The following MTOR variants were observed in gnomAD, a reference collection of about 807,000 sequenced individuals.
MTOR encodes serine/threonine-protein kinase mTOR.
MTOR carries 70 observed loss-of-function variants against 319.8 expected under a neutral mutation model. That is an observed-to-expected ratio of 0.22 (90% CI 0.18 to 0.27). The LOEUF is 0.27. Ranked by LOEUF, MTOR falls within the 10% of genes least tolerant of loss-of-function variation. MTOR has a pLI of 1.00. For missense variants in MTOR, 1,890 were observed against 3,274.4 expected (o/e 0.58, Z 10.32); for synonymous variants, 1,183 against 1,211.4 (o/e 0.98, Z 0.49).
chr1:11,193,852 C>T (rs182375656), intron 28 of MTOR: 206 of 1,397,172 alleles, frequency 1.5e-4, no homozygotes, highest in Non-Finnish European at 2.0e-4. Flanking sequence ...GGGTGCCATT[C>T]CTATTCTGAT....
intron 26 of MTOR, among the ~76,000 whole-genome samples, chr1:11,202,354 G>A (rs1316952834): frequency 6.9e-6 from 1 of 145,704 alleles, no homozygotes; most frequent in Non-Finnish European, 1.5e-5. Flanking sequence ...CTGGGAAGTA[G>A]AGGTTGCGGT....
chr1:11,176,425 C>A (rs1644995739), intron 28 of MTOR, among the ~76,000 whole-genome samples: 1 of 152,210 alleles, frequency 6.6e-6, no homozygotes, highest in Admixed American at 6.5e-5. Flanking sequence ...ACAGCTGGGG[C>A]AACGCTCAGG....
At chr1:11,120,325 G>C (rs1642448469) in intron 49 of MTOR, among the ~76,000 whole-genome samples, 1 of 151,968 alleles carries the variant, frequency 6.6e-6, no homozygotes, top group African/African-American at 2.4e-5. Flanking sequence ...GATCACTTGA[G>C]GTCAGGAGTT....
chr1:11,204,485 T>C (rs1646075943), intron 26 of MTOR, 76 bp downstream of exon 26: 1 of 1,483,642 alleles, frequency 6.7e-7, no homozygotes. Flanking sequence ...CCTTGATTAT[T>C]ACTTCTAATA....
chr1:11,186,081 T>A (rs1384168931), intron 28 of MTOR, among the ~76,000 whole-genome samples: 11 of 53,550 alleles, frequency 2.1e-4, no homozygotes, highest in African/African-American at 1.0e-3. Context: ...AGACTCCGTC[T>A]CAAAAAAAAA....
chr1:11,130,439 C>A (rs570373910), intron 39 of MTOR, 90 bp downstream of exon 39: 1 of 1,549,408 alleles, frequency 6.5e-7, no homozygotes, highest in East Asian at 2.3e-5. Flanking sequence ...CAGATACAGC[C>A]TCAGGTTCCT....
intron 28 of MTOR, chr1:11,193,490 G>T: frequency 8.2e-7 from 1 of 1,214,054 alleles, no homozygotes; most frequent in Non-Finnish European, 1.1e-6. Flanking sequence ...TACTGGCTCT[G>T]CAGGGACAGG....
chr1:11,189,405 C>T, intron 28 of MTOR: 1 of 805,432 alleles, frequency 1.2e-6, no homozygotes, highest in Non-Finnish European at 2.0e-6. Context: ...CTGTCAGAGA[C>T]TCAAGCTTTG....
intron 10 of MTOR, among the ~76,000 whole-genome samples, chr1:11,241,201 G>C (rs1163033960): frequency 6.6e-6 from 1 of 151,532 alleles, no homozygotes; most frequent in Non-Finnish European, 1.5e-5. Flanking sequence ...GGCGCCTGTA[G>C]TCCCAGCTAC....
chr1:11,251,014 T>A (rs1425298267), intron 6 of MTOR, among the ~76,000 whole-genome samples: 3 of 152,332 alleles, frequency 2.0e-5, no homozygotes, highest in East Asian at 3.9e-4. Context: ...CTAACTGGAT[T>A]CCTGGCTTTA....
At chr1:11,240,219 C>A in intron 11 of MTOR, 84 bp downstream of exon 11, 1 of 1,486,854 alleles carries the variant, frequency 6.7e-7, no homozygotes, top group South Asian at 1.4e-5. Flanking sequence ...CCAGCAAGAT[C>A]CAGGAATCCT....
intron 9 of MTOR, among the ~76,000 whole-genome samples, chr1:11,242,500 C>CAAAAAAAAAAAAAA (rs70977555): frequency 3.8e-5 from 2 of 52,632 alleles, no homozygotes; most frequent in Non-Finnish European, 3.1e-5. Context: ...GACTCCATCT[C>CAAAAAAAAAAAAAA]AAAAAAAAAA....
At chr1:11,200,543 T>G (rs1354126954) in intron 26 of MTOR, among the ~76,000 whole-genome samples, 1 of 152,050 alleles carries the variant, frequency 6.6e-6, no homozygotes, top group Non-Finnish European at 1.5e-5. Flanking sequence ...GGGAAGGAAA[T>G]GGGAAAAAAC....
Position 11,172,640 on chromosome 1 carries a change from G to A in MTOR, c.4254-5123C>T, listed in dbSNP as rs536126349. Among the ~76,000 whole-genome samples, 348 of 151,674 alleles carry A rather than the reference G, an allele frequency of 2.3e-3. 6 individuals carry two copies. The highest frequency in any genetic ancestry group is 7.9e-3 in the African/African-American group (328 of 41,338). ...AACCCCAGCACTGTGGGAGGCCGAG[G>A]TGGGCGGATCACGAGGTCAGGAGTT... is the stretch of plus-strand genomic sequence containing the variant. On this transcript the variant is annotated intron_variant, in intron 28 of 57. Coordinates refer to ENST00000361445, the MANE Select transcript of MTOR (RefSeq NM_004958.4).
At chr1:11,202,217 C>A (rs905189017) in intron 26 of MTOR, among the ~76,000 whole-genome samples, 2 of 152,026 alleles carry the variant, frequency 1.3e-5, no homozygotes, top group African/African-American at 2.4e-5. Flanking sequence ...ATTGCGAGGT[C>A]AGGAGATCGA....
chr1:11,129,960 T>A lies in MTOR; in HGVS notation c.5614-122A>T, dbSNP rs188922591. 9 of 772,330 alleles carry A rather than the reference T, an allele frequency of 1.2e-5. No individual in the cohort carries two copies. Among genetic ancestry groups the A allele is most frequent in the Non-Finnish European group, 1.9e-5 (9 of 465,292 alleles). 47.8% of individuals were successfully genotyped at this position (772,330 alleles called of 1,614,324 possible). A position where few individuals can be genotyped will look rare whatever the true frequency, so the allele number is the denominator to read the frequency against. ...TGGTTATAACAATTAAATCGGTTAA[T>A]GCATGAAAAATCTTTAATCATTACC... is the stretch of plus-strand genomic sequence containing the variant. On this transcript the variant is annotated intron_variant, in intron 39 of 57. Transcript: ENST00000361445. The surrounding 1 kb of genome is among the most constrained non-coding windows in gnomAD (Gnocchi z 4.7).
chr1:11,107,869 C>A lies in MTOR; in HGVS notation c.7634+312G>T, dbSNP rs1409760638. Among the ~76,000 whole-genome samples, 5 of 152,192 alleles carry A rather than the reference C, an allele frequency of 3.3e-5. No individual in the cohort carries two copies. In the East Asian group the frequency reaches 9.6e-4, roughly 29 times the overall value. On this transcript the variant is annotated intron_variant, in intron 57 of 57. Coordinates refer to ENST00000361445, the MANE Select transcript of MTOR (RefSeq NM_004958.4). ...TCTTTCCTTCGCCCTTCCTGTATCT[C>A]TGCACTGGACTGACAGCAAAACCCA...
At chr1:11,142,111 G>A (rs898163688) in intron 34 of MTOR, among the ~76,000 whole-genome samples, 3 of 152,138 alleles carry the variant, frequency 2.0e-5, no homozygotes, top group Admixed American at 6.5e-5. Context: ...GTCAGGTTGG[G>A]GACGGCTGCC....
intron 53 of MTOR, among the ~76,000 whole-genome samples, 185 bp from the exon 54 acceptor site, chr1:11,113,102 G>A (rs1641980597): frequency 1.3e-5 from 2 of 152,164 alleles, no homozygotes; most frequent in African/African-American, 4.8e-5. Flanking sequence ...AACCCAGGGG[G>A]ACACTCTATA....
Sources: gnomAD v4.1 joint callset for allele counts (sites outside exome capture counted in the v4.1 genomes callset) on GRCh38, gnomAD v4.1.1 for gene constraint, Gnocchi (gnomAD v3.1) non-coding constraint, MANE v1.5 for transcripts, NCBI Gene and HGNC (gene_info 2026-07-23, HGNC 2026-07-21) for gene names.